RAI1: variants seen among roughly 807,000 people sequenced by gnomAD.
RAI1 encodes retinoic acid induced 1.
RAI1 carries 9 observed loss-of-function variants against 123.8 expected under a neutral mutation model. That is an observed-to-expected ratio of 0.07 (90% CI 0.04 to 0.13). The LOEUF is 0.13. Among genes scored for constraint, RAI1 ranks in the 10% least tolerant of loss-of-function variants. The probability of loss-of-function intolerance (pLI) is 1.00; values close to 1 mark genes in which losing one functional copy is unlikely to be tolerated. For synonymous variants in RAI1, 1,231 were observed against 1,127.3 expected, an observed-to-expected ratio of 1.09 and a Z score of -1.84; for missense variants, 2,256 against 2,545.8, an observed-to-expected ratio of 0.89 and a Z score of 2.45.
chr17:17,731,658 A>G (rs1916276056), intron 2 of RAI1, among the ~76,000 whole-genome samples: 1 of 151,506 alleles, frequency 6.6e-6, no homozygotes, highest in African/African-American at 2.4e-5. Flanking sequence ...CTCCCTGAGA[A>G]CTCCTGAGTC....
At position 17,801,520 on chromosome 17, in the gene RAI1, C is replaced by G. The variant is rs923991618; in HGVS notation, c.5566-2236C>G. On this transcript the variant is annotated intron_variant, in intron 3 of 5. Coordinates refer to ENST00000353383, the MANE Select transcript of RAI1 (RefSeq NM_030665.4). This position sits in a 1 kb window ranked among gnomAD's most constrained non-coding sequence, Gnocchi z 4.1. ...CCCCATATGCTTAAACATCCAGACA[C>G]CAAGGGCCACTCACAGACAGCAGCC... Among the ~76,000 whole-genome samples, 20 of 152,198 alleles carry G rather than the reference C, an allele frequency of 1.3e-4. No homozygotes were observed. Among genetic ancestry groups the G allele is most frequent in the Non-Finnish European group, 2.9e-5 (2 of 68,038 alleles).
intron 2 of RAI1, among the ~76,000 whole-genome samples, chr17:17,728,941 C>T (rs1426666040): frequency 6.6e-6 from 1 of 152,210 alleles, no homozygotes; most frequent in African/African-American, 2.4e-5. Context: ...ACAAGAACTT[C>T]TCCATGGCGC....
chr17:17,756,579 T>TA (rs1483772746), intron 2 of RAI1, among the ~76,000 whole-genome samples: 3 of 152,180 alleles, frequency 2.0e-5, no homozygotes, highest in Non-Finnish European at 4.4e-5. Flanking sequence ...TTACCTCCCT[T>TA]ACGTATAAAG....
intron 2 of RAI1, among the ~76,000 whole-genome samples, chr17:17,728,461 G>A (rs938918390): frequency 1.3e-5 from 2 of 152,234 alleles, no homozygotes; most frequent in African/African-American, 2.4e-5. Context: ...AGAGGAAGAG[G>A]CTGAGAGCAG....
rs1350447277 is a variant in RAI1, at chr17:17,793,692, C to T, written c.744C>T (p.Asp248=). ...SCTAPTAQPH[D]RPLTASSSLA... The stretch of plus-strand genomic sequence containing the variant: ...CAGCACCGACTGCCCAGCCCCATGA[C>T]AGGCCGCTGACTGCCAGCTCCAGCC... The change falls in exon 3 of 6, where the codon GAC becomes GAT. Residue 248 remains aspartate, a synonymous_variant. Coordinates refer to ENST00000353383, the MANE Select transcript of RAI1 (RefSeq NM_030665.4). The T allele has an allele frequency of 1.2e-6, 2 of 1,613,132 alleles. No individual in the cohort carries two copies. The highest frequency in any genetic ancestry group is 4.5e-5 in the East Asian group (2 of 44,876).
At position 17,796,383 on chromosome 17, in the gene RAI1, C is replaced by G; in HGVS notation, c.3435C>G (p.Ile1145Met). The G allele has an allele frequency of 6.2e-7, 1 of 1,613,750 alleles. No homozygotes were observed. The highest frequency in any genetic ancestry group is 8.5e-7 in the Non-Finnish European group (1 of 1,180,014). Residue 1145 changes from isoleucine (I) to methionine (M), a missense_variant, in exon 3 of 6, where the codon ATC (isoleucine) becomes ATG (methionine). By Grantham distance (10) the Ile-to-Met change is conservative. Around this residue, in one of 7 missense-constraint regions of RAI1, gnomAD observed 322 missense variants for 358.0 expected, o/e 0.90. Coordinates refer to ENST00000353383, the MANE Select transcript of RAI1 (RefSeq NM_030665.4). This position sits in a 1 kb window ranked among gnomAD's most constrained non-coding sequence, Gnocchi z 5.8. ...STPGKDQRSM[I>M]LRSRTKTQEI... ...CTGGCAAGGACCAGCGCTCCATGAT[C>G]CTTCGGTCACGCACCAAAACCCAGG...
intron 2 of RAI1, among the ~76,000 whole-genome samples, chr17:17,765,318 C>T (rs1412950997): frequency 6.6e-6 from 1 of 152,202 alleles, no homozygotes; most frequent in Non-Finnish European, 1.5e-5. Flanking sequence ...CAGAAGAGAC[C>T]GAGGTACAGT....
intron 2 of RAI1, among the ~76,000 whole-genome samples, chr17:17,735,802 G>A (rs965234122): frequency 2.0e-5 from 3 of 152,230 alleles, no homozygotes; most frequent in Non-Finnish European, 4.4e-5. Flanking sequence ...CCTTCTAAGC[G>A]CAAAGTGCCT....
intron 2 of RAI1, among the ~76,000 whole-genome samples, chr17:17,729,961 G>C (rs1426520424): frequency 5.9e-5 from 9 of 152,134 alleles, no homozygotes; most frequent in Non-Finnish European, 1.3e-4. Context: ...GCTGAACCTG[G>C]TCCCACATCT....
intron 4 of RAI1, 65 bp downstream of exon 4, chr17:17,803,914 C>A: frequency 1.4e-6 from 2 of 1,463,398 alleles, no homozygotes; most frequent in Non-Finnish European, 1.9e-6. Flanking sequence ...GGGACCCTCC[C>A]TGGGCACAGC....
chr17:17,785,560 G>A (rs1157404331), intron 2 of RAI1, among the ~76,000 whole-genome samples: 5 of 152,152 alleles, frequency 3.3e-5, no homozygotes, highest in African/African-American at 1.2e-4. Context: ...GAGCCTGGCG[G>A]GGGACCCAGG....
In RAI1 at chr17:17,795,660, G is replaced by A. The variant is rs534150897; in HGVS notation, c.2712G>A (p.Val904=). 1.6e-5 allele frequency: 26 copies of A among 1,613,308 alleles called. No homozygotes were observed. The East Asian group carries it at 2.0e-4, about 12-fold the overall frequency. Residue 904 remains valine (V), a synonymous_variant, in exon 3 of 6, where the codon GTG becomes GTA. Transcript: ENST00000353383. This position sits in a 1 kb window ranked among gnomAD's most constrained non-coding sequence, Gnocchi z 5.9. ...KAPLICTKEE[V]EEVLDSKAGW... ...CACTCATCTGCACCAAGGAGGAGGT[G>A]GAGGAGGTGCTGGACTCCAAGGCCG...
chr17:17,797,080 G>A lies in RAI1; in HGVS notation c.4132G>A (p.Val1378Met). The A allele has an allele frequency of 1.2e-6, 2 of 1,614,044 alleles. No homozygotes were observed. The highest frequency in any genetic ancestry group is 1.7e-6 in the Non-Finnish European group (2 of 1,180,048). Residue 1378 changes from valine (V) to methionine (M), a missense_variant, in exon 3 of 6, where the codon GTG (valine) becomes ATG (methionine). Physicochemically the swap from Val to Met is conservative, Grantham distance 21 (BLOSUM62 1). This residue lies in a region of RAI1 where 322 missense variants were observed against 358.0 expected (regional missense o/e 0.90). Coordinates refer to ENST00000353383, the MANE Select transcript of RAI1 (RefSeq NM_030665.4). Reference protein sequence around the residue: ...LKGAGGSPVGVEEGLVNVGTG... With the variant: ...LKGAGGSPVGMEEGLVNVGTG... ...GGGTGCTGGGGGCAGCCCAGTGGGG[G>A]TGGAAGAAGGCCTGGTAAATGTGGG...
intron 1 of RAI1, among the ~76,000 whole-genome samples, chr17:17,709,326 C>T (rs548355036): frequency 5.9e-5 from 9 of 152,206 alleles, no homozygotes; most frequent in Non-Finnish European, 1.3e-4. Context: ...TATCAAGGGG[C>T]GATACTCAGG....
At chr17:17,703,140 T>G (rs1376675129) in intron 1 of RAI1, among the ~76,000 whole-genome samples, 1 of 152,116 alleles carries the variant, frequency 6.6e-6, no homozygotes. Flanking sequence ...AACCTGCACC[T>G]CCACCCCCAG....
intron 2 of RAI1, among the ~76,000 whole-genome samples, chr17:17,770,319 A>G (rs1382362597): frequency 6.6e-6 from 1 of 152,166 alleles, no homozygotes; most frequent in Admixed American, 6.5e-5. Flanking sequence ...GCCCCGAAAA[A>G]AAAACATAAA....
chr17:17,722,268 G>GATGA (rs971135489), intron 1 of RAI1, among the ~76,000 whole-genome samples: 21 of 152,280 alleles, frequency 1.4e-4, no homozygotes, highest in East Asian at 5.8e-4. Context: ...CGGATGGATG[G>GATGA]ATGAATGAAT....
intron 1 of RAI1, among the ~76,000 whole-genome samples, chr17:17,693,237 G>A (rs1914900668): frequency 6.6e-6 from 1 of 152,210 alleles, no homozygotes; most frequent in Non-Finnish European, 1.5e-5. Flanking sequence ...AAAGAGTGAG[G>A]ATGGGTGAGG....
intron 2 of RAI1, among the ~76,000 whole-genome samples, chr17:17,748,179 G>A (rs904528924): frequency 1.3e-5 from 2 of 152,254 alleles, no homozygotes; most frequent in African/African-American, 2.4e-5. Context: ...CACTGACTGT[G>A]TGGCCTGGCA....
Sources: gnomAD v4.1 joint callset for allele counts (sites outside exome capture counted in the v4.1 genomes callset) on GRCh38, gnomAD v4.1.1 for gene constraint, gnomAD v4.1.1 regional missense constraint, Gnocchi (gnomAD v3.1) non-coding constraint, MANE v1.5 for transcripts, NCBI Gene and HGNC (gene_info 2026-07-23, HGNC 2026-07-21) for gene names.